Variants in ALDH1L1 observed in about 807,000 individuals in gnomAD.
ALDH1L1 encodes the protein aldehyde dehydrogenase 1 family member L1, also known as cytosolic 10-formyltetrahydrofolate dehydrogenase.
Under a neutral mutation model 101.1 loss-of-function variants are expected in ALDH1L1, and 68 were observed. The observed-to-expected ratio is 0.67, with a 90% CI of 0.55 to 0.82. The LOEUF is 0.82. ALDH1L1 is among the 40% of genes least tolerant of loss of function. The pLI is 0.00. For missense variants in ALDH1L1, 1,087 were observed against 1,172.7 expected (o/e 0.93, Z 1.07); for synonymous variants, 486 against 470.8 (o/e 1.03, Z -0.42).
intron 1 of ALDH1L1, among the ~76,000 whole-genome samples, chr3:126,188,231 G>A (rs1226201810): frequency 6.6e-6 from 1 of 152,220 alleles, no homozygotes; most frequent in Admixed American, 6.5e-5. Context: ...AAATACAGTT[G>A]GCCCTCCATA....
chr3:126,163,635 G>A (rs11917551), intron 1 of ALDH1L1, among the ~76,000 whole-genome samples: 5,595 of 152,214 alleles, frequency 0.037, 329 homozygotes, highest in African/African-American at 0.12. Flanking sequence ...ATCATGACAA[G>A]GAGTTGACTT....
intron 5 of ALDH1L1, 104 bp from the exon 6 acceptor site, chr3:126,154,747 C>A: frequency 9.9e-7 from 1 of 1,011,176 alleles, no homozygotes; most frequent in Non-Finnish European, 1.5e-6. Flanking sequence ...CAGCTGGTAA[C>A]CCCAGCTTCC....
At chr3:126,132,092 G>C (rs1255578528) in intron 12 of ALDH1L1, among the ~76,000 whole-genome samples, 2 of 152,258 alleles carry the variant, frequency 1.3e-5, no homozygotes, top group Non-Finnish European at 2.9e-5. Context: ...GCTTCAGCCT[G>C]AGCATGCCGA....
Position 126,125,646 on chromosome 3 carries a change from G to T in ALDH1L1, c.1770C>A (p.Ala590=), listed in dbSNP as rs781544915. Residue 590 remains alanine (A), a synonymous_variant, in exon 15 of 23, where the codon GCC becomes GCA. Coordinates refer to ENST00000393434, the MANE Select transcript of ALDH1L1 (RefSeq NM_012190.4). Reference sequence around the variant, plus strand: ...CAGGCTTGATCACCACTGTGTTCCCGGCAGCCAGGCAGGCAGCTGTCTTCC... The same window carrying T: ...CAGGCTTGATCACCACTGTGTTCCCTGCAGCCAGGCAGGCAGCTGTCTTCC... ...LSWKTAACLA[A]GNTVVIKPAQ... The T allele has an allele frequency of 6.3e-7, 1 of 1,597,142 alleles. No individual in the cohort carries two copies. The highest frequency in any genetic ancestry group is 8.5e-7 in the Non-Finnish European group (1 of 1,170,802).
intron 1 of ALDH1L1, among the ~76,000 whole-genome samples, chr3:126,169,979 C>T (rs4270463): frequency 0.099 from 15,072 of 152,046 alleles, 1,109 homozygotes; most frequent in East Asian, 0.19. Context: ...CAGAAATCAA[C>T]TCCTGGATAC....
At chr3:126,137,704 G>C (rs993505087) in intron 10 of ALDH1L1, 109 bp downstream of exon 10, 20 of 1,454,540 alleles carry the variant, frequency 1.4e-5, no homozygotes, top group Admixed American at 2.2e-5. Context: ...TGGGCTCCTG[G>C]GGCCCTGGCT....
chr3:126,161,924 G>A (rs1007041241), intron 1 of ALDH1L1, among the ~76,000 whole-genome samples: 3 of 112,470 alleles, frequency 2.7e-5, no homozygotes, highest in Non-Finnish European at 5.9e-5. Flanking sequence ...AGCATCGAAT[G>A]GTTTCGCTTG....
chr3:126,146,852 C>T lies in ALDH1L1; in HGVS notation c.1059G>A (p.Ala353=), dbSNP rs780671610. 107 of 1,613,964 alleles carry T rather than the reference C, an allele frequency of 6.6e-5. 1 individual carries two copies. Among genetic ancestry groups the T allele is most frequent in the East Asian group, 6.7e-5 (3 of 44,892 alleles). The change falls in exon 9 of 23, where the codon GCG becomes GCA. Residue 353 remains alanine, a synonymous_variant. Transcript: ENST00000393434. ...DSTDFFKSGA[A]SVDVVRLVEE... Reference sequence around the variant, plus strand: ...GGCCTTACCTCACAACGTCCACAGACGCGGCCCCTGACTTGAAGAAATCAG... The same window carrying T: ...GGCCTTACCTCACAACGTCCACAGATGCGGCCCCTGACTTGAAGAAATCAG...
rs891029186 is a variant in ALDH1L1, at chr3:126,153,502, T to C, written c.800A>G (p.His267Arg). The C allele has an allele frequency of 4.3e-6, 7 of 1,614,080 alleles. No individual in the cohort carries two copies. Among genetic ancestry groups the C allele is most frequent in the Admixed American group, 1.7e-5 (1 of 60,002 alleles). ...EGDALPIPGA[H>R]RPGVVTKAGL... is the part of the protein sequence containing the mutation. ...TGCTTTGGTGACCACCCCTGGCCGA[T>C]GGGCTCCTGGGATGGGCAAAGCGTC... The change falls in exon 7 of 23, where the codon CAT (histidine) becomes CGT (arginine). Residue 267 changes from histidine to arginine, a missense_variant. His to Arg is a conservative substitution (Grantham distance 29). Transcript: ENST00000393434.
chr3:126,105,838 C>T lies in ALDH1L1; in HGVS notation c.2541G>A (p.Leu847=), dbSNP rs1318425277. ...GVFTRDINKA[L]YVSDKLQAGT... is the part of the protein sequence containing the mutation. ...CTGCCTGGAGCTTGTCACTGACATA[C>T]AGGGCCTTGTTGATGTCCCTGGTGA... is the stretch of plus-strand genomic sequence containing the variant. Residue 847 remains leucine (L), a synonymous_variant, in exon 22 of 23, where the codon CTG becomes CTA. Coordinates refer to ENST00000393434, the MANE Select transcript of ALDH1L1 (RefSeq NM_012190.4). 6.2e-7 allele frequency: 1 copy of T among 1,614,234 alleles called. No homozygotes were observed. The highest frequency in any genetic ancestry group is 1.1e-5 in the South Asian group (1 of 91,090).
intron 1 of ALDH1L1, among the ~76,000 whole-genome samples, chr3:126,175,921 A>T (rs1297483687): frequency 6.6e-6 from 1 of 152,204 alleles, no homozygotes; most frequent in Non-Finnish European, 1.5e-5. Flanking sequence ...CTCAAAAAAC[A>T]TAATTGGCTA....
chr3:126,151,909 C>A, intron 7 of ALDH1L1: 1 of 158,004 alleles, frequency 6.3e-6, no homozygotes. Flanking sequence ...GTGGACAAAG[C>A]TCTTGTGAGA....
chr3:126,196,551 A>G (rs2081583043), intron 1 of ALDH1L1, among the ~76,000 whole-genome samples: 1 of 152,210 alleles, frequency 6.6e-6, no homozygotes, highest in Non-Finnish European at 1.5e-5. Context: ...TAGCCAGGCC[A>G]AATGGCCAAT....
At chr3:126,144,685 A>G (rs527389688) in intron 9 of ALDH1L1, among the ~76,000 whole-genome samples, 1 of 152,348 alleles carries the variant, frequency 6.6e-6, no homozygotes, top group Admixed American at 6.5e-5. Context: ...ATCTTGCCCC[A>G]CACATAAAAA....
rs1433096125 is a variant in ALDH1L1 at position 126,146,830 on chromosome 3, C to T, written c.1076+5G>A. On this transcript the variant is annotated splice_donor_5th_base_variant and intron_variant, in intron 9 of 22. Coordinates refer to ENST00000393434, the MANE Select transcript of ALDH1L1 (RefSeq NM_012190.4). ...GGGACAGGACCCCTCCACTCCTGGC[C>T]TTACCTCACAACGTCCACAGACGCG... 1 of 1,614,026 alleles carries T rather than the reference C, an allele frequency of 6.2e-7. No homozygotes were observed. The highest frequency in any genetic ancestry group is 1.3e-5 in the African/African-American group (1 of 75,058).
At chr3:126,158,701 T>C (rs905410217) in intron 2 of ALDH1L1, 62 bp from the exon 3 acceptor site, 90 of 1,515,764 alleles carry the variant, frequency 5.9e-5, no homozygotes, top group Non-Finnish European at 8.0e-5. Flanking sequence ...CAGCCACCTC[T>C]GCCTTCCCAG....
chr3:126,138,582 T>C (rs2080502638), intron 9 of ALDH1L1, among the ~76,000 whole-genome samples: 1 of 152,194 alleles, frequency 6.6e-6, no homozygotes, highest in Non-Finnish European at 1.5e-5. Context: ...CAATGGAATA[T>C]AGCTTCATAT....
At chr3:126,150,172 C>T (rs1354165107) in intron 8 of ALDH1L1, among the ~76,000 whole-genome samples, 1 of 152,158 alleles carries the variant, frequency 6.6e-6, no homozygotes, top group African/African-American at 2.4e-5. Context: ...GACAATGAGC[C>T]CCTAGAAGAG....
At chr3:126,191,476 T>C (rs1054497466) in intron 1 of ALDH1L1, among the ~76,000 whole-genome samples, 2 of 152,190 alleles carry the variant, frequency 1.3e-5, no homozygotes, top group Non-Finnish European at 2.9e-5. Flanking sequence ...AATTTGGAAG[T>C]CCTAAGGTTG....
Sources: allele counts gnomAD v4.1 joint callset (sites outside exome capture counted in the v4.1 genomes callset), GRCh38; gene constraint gnomAD v4.1.1; transcripts MANE v1.5; gene names NCBI Gene and HGNC (gene_info 2026-07-23, HGNC 2026-07-21).